The following KCNIP4 variants were observed in gnomAD, a reference collection of about 807,000 sequenced individuals.
KCNIP4 encodes potassium voltage-gated channel interacting protein 4.
In KCNIP4, 12 loss-of-function variants were observed where a neutral mutation model predicts 34.0. The observed-to-expected ratio is 0.35, with a 90% CI of 0.23 to 0.57. The LOEUF (loss-of-function observed/expected upper bound fraction) is 0.57, where lower values mean the gene tolerates loss of function less well. Ranked by LOEUF, KCNIP4 falls within the 20% of genes least tolerant of loss-of-function variation. KCNIP4 has a pLI of 0.83. For missense variants in KCNIP4, 238 were observed against 311.7 expected, an observed-to-expected ratio of 0.76 and a Z score of 1.78; for synonymous variants, 124 against 102.2, an observed-to-expected ratio of 1.21 and a Z score of -1.29.
At chr4:21,731,722 C>T (rs947502865) in intron 1 of KCNIP4, among the ~76,000 whole-genome samples, 3 of 152,050 alleles carry the variant, frequency 2.0e-5, no homozygotes, top group African/African-American at 7.2e-5. Context: ...TTGCATAGTC[C>T]TCTGATATAC....
intron 1 of KCNIP4, among the ~76,000 whole-genome samples, chr4:21,372,390 A>ATAGATAGT (rs1331606557): frequency 6.8e-6 from 1 of 146,910 alleles, no homozygotes; most frequent in Non-Finnish European, 1.5e-5. Context: ...AGATAGATAG[A>ATAGATAGT]TAGTTAGATA....
intron 1 of KCNIP4, chr4:21,303,823 A>T (rs1158348376): frequency 1.2e-6 from 2 of 1,614,004 alleles, no homozygotes; most frequent in Admixed American, 3.3e-5. Context: ...AACCTGCTTC[A>T]ATCAGCCCAA....
chr4:21,913,673 A>C (rs1489531594), intron 1 of KCNIP4, among the ~76,000 whole-genome samples: 1 of 152,214 alleles, frequency 6.6e-6, no homozygotes, highest in Non-Finnish European at 1.5e-5. Context: ...CAAAGCCATC[A>C]GTCTAGTTGG....
intron 1 of KCNIP4, among the ~76,000 whole-genome samples, chr4:21,720,638 C>T (rs909897811): frequency 3.3e-5 from 5 of 149,996 alleles, no homozygotes; most frequent in African/African-American, 7.4e-5. Context: ...CCCATTAACT[C>T]GTCATTTACA....
At chr4:21,373,033 C>T (rs984147957) in intron 1 of KCNIP4, among the ~76,000 whole-genome samples, 1 of 139,358 alleles carries the variant, frequency 7.2e-6, no homozygotes, top group Admixed American at 7.1e-5. Context: ...CATAATTTGG[C>T]CATTAATTAG....
At chr4:21,004,047 T>C (rs771611745) in intron 1 of KCNIP4, among the ~76,000 whole-genome samples, 3 of 152,110 alleles carry the variant, frequency 2.0e-5, no homozygotes, top group Non-Finnish European at 4.4e-5. Flanking sequence ...TCATAAGGGG[T>C]TGCTAAAGAA....
chr4:20,988,393 C>G (rs1736785682), intron 1 of KCNIP4, among the ~76,000 whole-genome samples: 1 of 152,188 alleles, frequency 6.6e-6, no homozygotes, highest in African/African-American at 2.4e-5. Flanking sequence ...TTTACATTTC[C>G]TTGCCCCAAT....
chr4:21,714,572 G>A (rs1714001534), intron 1 of KCNIP4, among the ~76,000 whole-genome samples: 1 of 151,560 alleles, frequency 6.6e-6, no homozygotes, highest in South Asian at 2.1e-4. Context: ...ATGGGGGAAG[G>A]AGAAGAAGGG....
intron 1 of KCNIP4, among the ~76,000 whole-genome samples, chr4:21,239,779 C>G (rs1759661183): frequency 6.6e-6 from 1 of 152,094 alleles, no homozygotes; most frequent in Non-Finnish European, 1.5e-5. Flanking sequence ...GTTGGTGGGA[C>G]TGTAAACTAG....
At chr4:21,110,640 T>C (rs1319987473) in intron 1 of KCNIP4, among the ~76,000 whole-genome samples, 1 of 152,250 alleles carries the variant, frequency 6.6e-6, no homozygotes, top group Non-Finnish European at 1.5e-5. Context: ...GTTTGTTTTT[T>C]GTTAAAACCT....
chr4:21,477,809 G>C (rs1481513738), intron 1 of KCNIP4, among the ~76,000 whole-genome samples: 1 of 152,196 alleles, frequency 6.6e-6, no homozygotes, highest in African/African-American at 2.4e-5. Context: ...CCAGCTCCAA[G>C]CCAGTCTGAA....
At chr4:21,823,735 GA>G (rs1722509130) in intron 1 of KCNIP4, among the ~76,000 whole-genome samples, 1 of 152,110 alleles carries the variant, frequency 6.6e-6, no homozygotes, top group Non-Finnish European at 1.5e-5. Context: ...TAAATAGTTA[GA>G]AAGGCAGTCA....
chr4:21,856,028 T>C (rs1405917044), intron 1 of KCNIP4, among the ~76,000 whole-genome samples: 1 of 152,242 alleles, frequency 6.6e-6, no homozygotes, highest in African/African-American at 2.4e-5. Context: ...TCCTATACAG[T>C]CACAATTAGC....
chr4:21,850,504 CCCTGTGTCACCTCGGGACT>C (rs1724308656), intron 1 of KCNIP4: 1 of 152,080 alleles, frequency 6.6e-6, no homozygotes, highest in Non-Finnish European at 1.5e-5. Context: ...CCGTGTGATG[CCCTGTGTCACCTCGGGACT>C]CTACAGAGAG....
chr4:21,099,712 A>T (rs1394269117), intron 1 of KCNIP4, among the ~76,000 whole-genome samples: 3 of 152,190 alleles, frequency 2.0e-5, no homozygotes, highest in Non-Finnish European at 4.4e-5. Flanking sequence ...TGGGAAAAGT[A>T]AACTGAAAAT....
rs193215912 is a variant in KCNIP4, at chr4:20,796,364, G to A, written c.289-37474C>T. On this transcript the variant is annotated intron_variant, in intron 3 of 8. Coordinates refer to ENST00000382152, the MANE Select transcript of KCNIP4 (RefSeq NM_025221.6). Reference sequence around the variant, plus strand: ...CACTCTGTTGCCCGGGCTGGAGTGCGCTGGTGTGATCACAGAACTGGTTTT... The same window carrying A: ...CACTCTGTTGCCCGGGCTGGAGTGCACTGGTGTGATCACAGAACTGGTTTT... 1.6e-4 allele frequency among the ~76,000 whole-genome samples: 25 copies of A among 152,090 alleles called. No homozygotes were observed. The East Asian group carries it at 4.3e-3, about 26-fold the overall frequency.
chr4:21,396,026 T>C (rs905146030), intron 1 of KCNIP4, among the ~76,000 whole-genome samples: 1 of 151,762 alleles, frequency 6.6e-6, no homozygotes, highest in African/African-American at 2.4e-5. Context: ...GAATACTATA[T>C]ATATACATAT....
At chr4:21,011,823 G>A (rs1490615832) in intron 1 of KCNIP4, among the ~76,000 whole-genome samples, 1 of 152,032 alleles carries the variant, frequency 6.6e-6, no homozygotes, top group Non-Finnish European at 1.5e-5. Flanking sequence ...CTATCCCCAG[G>A]TTCAACAAGT....
At chr4:21,869,818 A>G (rs1377886394) in intron 1 of KCNIP4, among the ~76,000 whole-genome samples, 1 of 152,160 alleles carries the variant, frequency 6.6e-6, no homozygotes, top group African/African-American at 2.4e-5. Context: ...ATAGATCTAT[A>G]GATAGGTATA....
Sources: allele counts gnomAD v4.1 joint callset (sites outside exome capture counted in the v4.1 genomes callset), GRCh38; gene constraint gnomAD v4.1.1; transcripts MANE v1.5; gene names NCBI Gene and HGNC (gene_info 2026-07-23, HGNC 2026-07-21).